The following USH2A variants were observed in gnomAD, a reference collection of about 807,000 sequenced individuals.
USH2A encodes usherin.
A neutral mutation model predicts 538.9 loss-of-function variants in USH2A; 443 were observed. That is an observed-to-expected ratio of 0.82 (90% CI 0.76 to 0.89). USH2A has a LOEUF of 0.89. Ranked by LOEUF, USH2A falls within the 40% of genes least tolerant of loss-of-function variation. The probability of loss-of-function intolerance (pLI) is 0.00; values close to 1 mark genes in which losing one functional copy is unlikely to be tolerated. For synonymous variants in USH2A, 2,413 were observed against 2,273.5 expected (o/e 1.06, Z -1.75); for missense variants, 6,633 against 6,324.8 (o/e 1.05, Z -1.65).
chr1:215,956,781 T>A (rs565793300), intron 37 of USH2A, among the ~76,000 whole-genome samples: 2 of 152,280 alleles, frequency 1.3e-5, no homozygotes, highest in African/African-American at 4.8e-5. Context: ...GCTGTGTGAG[T>A]GTTGAGAACA....
chr1:216,383,866 C>CTTT (rs57494312), intron 3 of USH2A, among the ~76,000 whole-genome samples: 6 of 134,922 alleles, frequency 4.4e-5, no homozygotes, highest in African/African-American at 8.6e-5. Context: ...TTCTTTCTTT[C>CTTT]TTTTTTTTTT....
At chr1:216,031,818 C>T (rs1669134702) in intron 32 of USH2A, among the ~76,000 whole-genome samples, 1 of 152,108 alleles carries the variant, frequency 6.6e-6, no homozygotes, top group South Asian at 2.1e-4. Flanking sequence ...TTAAACTCTT[C>T]CCTCTTTAAT....
At chr1:216,045,053 G>C (rs1375564522) in intron 32 of USH2A, among the ~76,000 whole-genome samples, 1 of 152,154 alleles carries the variant, frequency 6.6e-6, no homozygotes, top group Non-Finnish European at 1.5e-5. Context: ...AGCACCAAGA[G>C]AAGAGGGACA....
chr1:216,068,978 G>T (rs2031471095), intron 30 of USH2A, among the ~76,000 whole-genome samples: 1 of 152,154 alleles, frequency 6.6e-6, no homozygotes, highest in African/African-American at 2.4e-5. Context: ...TGAGTGGGAT[G>T]AGAAAGGGAG....
chr1:216,289,175 G>A, intron 11 of USH2A, 105 bp downstream of exon 11: 1 of 1,533,694 alleles, frequency 6.5e-7, no homozygotes, highest in Non-Finnish European at 9.0e-7. Flanking sequence ...GCACATAGAG[G>A]ATTTCCTGGC....
intron 58 of USH2A, among the ~76,000 whole-genome samples, chr1:215,757,386 A>G (rs1264598333): frequency 1.3e-5 from 2 of 152,188 alleles, no homozygotes; most frequent in Non-Finnish European, 2.9e-5. Flanking sequence ...TAGCTATACA[A>G]TAGTACCTGT....
Position 216,088,893 on chromosome 1 carries a change from A to G in USH2A, c.4885+120T>C, listed in dbSNP as rs1027169236. 3 of 1,457,854 alleles carry G rather than the reference A, an allele frequency of 2.1e-6. No homozygotes were observed. The African/African-American group carries it at 4.2e-5, about 20-fold the overall frequency. The allele number at this position is 1,457,854 out of a possible 1,614,324, so 90.3% of individuals were successfully genotyped here. A position where few individuals can be genotyped will look rare whatever the true frequency, so the allele number is the denominator to read the frequency against. On this transcript the variant is annotated intron_variant, in intron 23 of 71. Coordinates refer to ENST00000307340, the MANE Select transcript of USH2A (RefSeq NM_206933.4). ...CATCCCAAAGGCAAATTCAACAGCA[A>G]TATATATGGAATTGAGTAGAAATTA... is the stretch of plus-strand genomic sequence containing the variant.
intron 3 of USH2A, among the ~76,000 whole-genome samples, chr1:216,391,225 A>C (rs2039101751): frequency 6.6e-6 from 1 of 152,220 alleles, no homozygotes; most frequent in African/African-American, 2.4e-5. Flanking sequence ...GAGAAGTTGC[A>C]GCTCATCCAG....
chr1:216,056,085 A>T (rs2030966073), intron 30 of USH2A, among the ~76,000 whole-genome samples: 2 of 152,218 alleles, frequency 1.3e-5, no homozygotes, highest in Non-Finnish European at 2.9e-5. Context: ...AGTATTATCC[A>T]GTTAAGATTC....
At chr1:216,371,182 A>G (rs935072358) in intron 3 of USH2A, among the ~76,000 whole-genome samples, 1 of 152,228 alleles carries the variant, frequency 6.6e-6, no homozygotes, top group African/African-American at 2.4e-5. Context: ...TCCAGTTCTA[A>G]TTATTGAGAC....
chr1:216,010,146 A>T (rs1309742479), intron 32 of USH2A, among the ~76,000 whole-genome samples: 1 of 152,172 alleles, frequency 6.6e-6, no homozygotes, highest in Non-Finnish European at 1.5e-5. Flanking sequence ...GTACAATAAT[A>T]GAAAAAAGTT....
At chr1:215,724,096 A>G (rs373074024) in intron 61 of USH2A, among the ~76,000 whole-genome samples, 1 of 113,372 alleles carries the variant, frequency 8.8e-6, no homozygotes. Context: ...ATCTATATCT[A>G]TATCATCTAT....
At chr1:216,402,398 T>C (rs184095513) in intron 3 of USH2A, among the ~76,000 whole-genome samples, 8 of 152,200 alleles carry the variant, frequency 5.3e-5, no homozygotes, top group Admixed American at 3.3e-4. Flanking sequence ...CATGAAAATA[T>C]AGCTGACCTT....
Position 216,175,283 on chromosome 1 carries a change from G to A in USH2A, c.4596C>T (p.Ser1532=), listed in dbSNP as rs1324043920. The A allele has an allele frequency of 1.2e-6, 2 of 1,613,610 alleles. No individual in the cohort carries two copies. Among genetic ancestry groups the A allele is most frequent in the African/African-American group, 2.7e-5 (2 of 74,918 alleles). The change falls in exon 21 of 72, where the codon AGC becomes AGT. Residue 1532 remains serine, a synonymous_variant. Transcript: ENST00000307340. ...FIGNGYCKFP[S]STHPVNTDFT... is the part of the protein sequence containing the mutation. ...AGTCTGTATTGACTGGGTGAGTGGA[G>A]CTGGGAAATTTACAATACCCATTTC...
intron 63 of USH2A, among the ~76,000 whole-genome samples, chr1:215,673,597 A>G (rs552366901): frequency 6.6e-6 from 1 of 152,364 alleles, no homozygotes; most frequent in South Asian, 2.1e-4. Flanking sequence ...AAGTAGAGTC[A>G]GAGAAGCCTT....
intron 59 of USH2A, among the ~76,000 whole-genome samples, chr1:215,742,540 T>C (rs1660335345): frequency 1.3e-5 from 2 of 152,100 alleles, no homozygotes; most frequent in Admixed American, 6.5e-5. Flanking sequence ...ATAAATAAAA[T>C]GATGTATAGC....
chr1:216,043,008 CTG>C (rs1410941077), intron 32 of USH2A, among the ~76,000 whole-genome samples: 1 of 152,094 alleles, frequency 6.6e-6, no homozygotes, highest in East Asian at 1.9e-4. Flanking sequence ...AGCCTCCAGA[CTG>C]TGAGAAATAC....
intron 11 of USH2A, among the ~76,000 whole-genome samples, chr1:216,288,860 G>T (rs1179685900): frequency 1.3e-5 from 2 of 152,144 alleles, no homozygotes; most frequent in Non-Finnish European, 2.9e-5. Context: ...CTAAGAAATT[G>T]AGAAGCGAGG....
At chr1:215,627,955 A>G (rs535722358) in intron 71 of USH2A, among the ~76,000 whole-genome samples, 44 of 152,304 alleles carry the variant, frequency 2.9e-4, no homozygotes, top group African/African-American at 8.4e-4. Context: ...CCGCTCAGAG[A>G]CTGATAATAA....
Sources: allele counts gnomAD v4.1 joint callset (sites outside exome capture counted in the v4.1 genomes callset), GRCh38; gene constraint gnomAD v4.1.1; transcripts MANE v1.5; gene names NCBI Gene and HGNC (gene_info 2026-07-23, HGNC 2026-07-21).